Variants in CDK13 observed in about 807,000 individuals in gnomAD.
CDK13 encodes cyclin-dependent kinase 13.
CDK13 carries 40 observed loss-of-function variants against 137.6 expected under a neutral mutation model. The ratio of observed to expected loss-of-function variants is 0.29; its 90% confidence interval spans 0.23 to 0.38. The LOEUF (loss-of-function observed/expected upper bound fraction) is 0.38. Among genes scored for constraint, CDK13 ranks in the 10% least tolerant of loss-of-function variants. CDK13 has a pLI of 1.00. For missense variants in CDK13, 1,704 were observed against 1,951.8 expected (o/e 0.87, Z 2.39); for synonymous variants, 869 against 760.1 (o/e 1.14, Z -2.36).
At chr7:40,062,510 GA>G in intron 7 of CDK13, 1 of 237,252 alleles carries the variant, frequency 4.2e-6, no homozygotes, top group South Asian at 5.4e-5. Context: ...TCGATCTCCT[GA>G]CCTCGTGATC....
At chr7:40,071,021 G>A (rs1255039786) in intron 9 of CDK13, 1 of 152,014 alleles carries the variant, frequency 6.6e-6, no homozygotes, top group Non-Finnish European at 1.5e-5. Context: ...AAACCCTCAG[G>A]CCTAGGTGGT....
At chr7:40,068,707 G>GAAAAAAAAA (rs1158145409) in intron 9 of CDK13, among the ~76,000 whole-genome samples, 5 of 47,084 alleles carry the variant, frequency 1.1e-4, no homozygotes, top group East Asian at 6.4e-4. Flanking sequence ...CTATGTCTCA[G>GAAAAAAAAA]AAAAAAAAAA....
At chr7:39,985,556 C>G (rs919211350) in intron 1 of CDK13, 1 of 152,332 alleles carries the variant, frequency 6.6e-6, no homozygotes, top group East Asian at 1.9e-4. Context: ...CCAAACTGTT[C>G]TTCACAGTGG....
intron 9 of CDK13, among the ~76,000 whole-genome samples, chr7:40,068,724 A>G (rs1786341383): frequency 6.6e-6 from 1 of 150,696 alleles, no homozygotes; most frequent in Non-Finnish European, 1.5e-5. Context: ...AAAAAAAAAA[A>G]AAAAAAAGGA....
At chr7:40,075,473 CAATAA>C (rs1786525860) in intron 9 of CDK13, among the ~76,000 whole-genome samples, 1 of 151,358 alleles carries the variant, frequency 6.6e-6, no homozygotes, top group African/African-American at 2.4e-5. Flanking sequence ...AATAAAATTT[CAATAA>C]AATAAAATTT....
intron 5 of CDK13, among the ~76,000 whole-genome samples, chr7:40,005,174 C>A (rs374257890): frequency 3.4e-3 from 477 of 138,394 alleles, no homozygotes; most frequent in East Asian, 7.5e-3. Flanking sequence ...ACTCTTGTCT[C>A]AAAAAAAAAA....
At chr7:40,057,167 A>T (rs1244926974) in intron 7 of CDK13, among the ~76,000 whole-genome samples, 1 of 152,188 alleles carries the variant, frequency 6.6e-6, no homozygotes, top group African/African-American at 2.4e-5. Context: ...AGGCAGGAGA[A>T]TCGCTTGAAC....
chr7:40,052,437 A>G (rs756097280), intron 7 of CDK13, among the ~76,000 whole-genome samples: 87 of 152,158 alleles, frequency 5.7e-4, no homozygotes, highest in Non-Finnish European at 9.7e-4. Context: ...TCTGCCTCCC[A>G]AAGTGCTAGG....
intron 6 of CDK13, 131 bp downstream of exon 6, chr7:40,046,156 C>A: frequency 1.7e-6 from 1 of 583,352 alleles, no homozygotes; most frequent in Non-Finnish European, 3.0e-6. Flanking sequence ...CTATTAGGTA[C>A]AGTGTCCAAC....
At chr7:39,992,187 T>C (rs971266655) in intron 2 of CDK13, among the ~76,000 whole-genome samples, 3 of 151,730 alleles carry the variant, frequency 2.0e-5, no homozygotes, top group Non-Finnish European at 4.4e-5. Context: ...TGTGTGTGTG[T>C]GTGTGTGTGT....
intron 1 of CDK13, among the ~76,000 whole-genome samples, chr7:39,977,068 C>T (rs1031502188): frequency 2.0e-5 from 3 of 152,042 alleles, no homozygotes; most frequent in Non-Finnish European, 4.4e-5. Context: ...GAATGGAGAC[C>T]GTGCTGCTTG....
chr7:40,014,756 CA>C (rs1485460007), intron 5 of CDK13, among the ~76,000 whole-genome samples: 1 of 151,994 alleles, frequency 6.6e-6, no homozygotes, highest in Non-Finnish European at 1.5e-5. Context: ...GTGTCCAGCC[CA>C]TTTATATTTC....
chr7:40,078,154 A>G (rs1393835180), intron 10 of CDK13, 33 bp downstream of exon 10: 4 of 1,018,332 alleles, frequency 3.9e-6, no homozygotes, highest in Admixed American at 2.3e-5. Context: ...TCCTTATTGC[A>G]TGAATGTTTT....
chr7:39,953,518 AT>A (rs1177028106), intron 1 of CDK13, among the ~76,000 whole-genome samples: 1 of 152,210 alleles, frequency 6.6e-6, no homozygotes, highest in African/African-American at 2.4e-5. Context: ...AGTGGTATGT[AT>A]TTTTTATATA....
intron 11 of CDK13, among the ~76,000 whole-genome samples, chr7:40,086,397 G>A (rs1053175985): frequency 5.3e-5 from 8 of 152,172 alleles, no homozygotes; most frequent in Admixed American, 2.0e-4. Context: ...AGGTGGGGTT[G>A]CTTAAGGGAA....
At chr7:39,954,492 A>G (rs371482768) in intron 1 of CDK13, among the ~76,000 whole-genome samples, 237 of 148,562 alleles carry the variant, frequency 1.6e-3, no homozygotes, top group African/African-American at 5.6e-3. Flanking sequence ...TTGTATTTCT[A>G]GTGCTCAGCA....
Position 40,094,601 on chromosome 7 carries a change from C to T in CDK13, c.4160C>T (p.Ser1387Phe). 6.2e-7 allele frequency: 1 copy of T among 1,613,720 alleles called. No individual in the cohort carries two copies. The highest frequency in any genetic ancestry group is 8.5e-7 in the Non-Finnish European group (1 of 1,179,804). The change falls in exon 14 of 14, where the codon TCT becomes TTT. Residue 1387 changes from serine to phenylalanine, a missense_variant. By Grantham distance (155) the Ser-to-Phe change is radical. Transcript: ENST00000181839. ...LDNYSTASSH[S>F]GGPPQPSAFS... The stretch of plus-strand genomic sequence containing the variant: ...AACTACAGTACTGCTTCATCTCATT[C>T]TGGTGGTCCACCTCAGCCTTCTGCC...
chr7:40,059,809 T>G (rs995304800), intron 7 of CDK13, among the ~76,000 whole-genome samples: 1 of 152,254 alleles, frequency 6.6e-6, no homozygotes, highest in African/African-American at 2.4e-5. Context: ...TCTGAATGTT[T>G]GTTTGCTTCA....
At chr7:39,993,133 C>T (rs1784498266) in intron 2 of CDK13, among the ~76,000 whole-genome samples, 1 of 152,140 alleles carries the variant, frequency 6.6e-6, no homozygotes, top group Admixed American at 6.5e-5. Flanking sequence ...TTGTCTAATT[C>T]AGTTACTGTA....
Sources: gnomAD v4.1 joint callset for allele counts (sites outside exome capture counted in the v4.1 genomes callset) on GRCh38, gnomAD v4.1.1 for gene constraint, MANE v1.5 for transcripts, NCBI Gene and HGNC (gene_info 2026-07-23, HGNC 2026-07-21) for gene names.